The following ANKRD44 variants were observed in gnomAD, a reference collection of about 807,000 sequenced individuals.
ANKRD44 encodes the protein serine/threonine-protein phosphatase 6 regulatory ankyrin repeat subunit B.
ANKRD44 carries 35 observed loss-of-function variants against 116.0 expected under a neutral mutation model. The observed-to-expected ratio is 0.30, with a 90% CI of 0.23 to 0.40. The LOEUF is 0.40. ANKRD44 is among the 10% of genes least tolerant of loss of function. ANKRD44 has a pLI of 1.00. For synonymous variants in ANKRD44, 435 were observed against 461.8 expected (o/e 0.94, Z 0.74); for missense variants, 1,014 against 1,242.6 (o/e 0.82, Z 2.77).
At chr2:197,081,928 A>AT (rs991236914) in intron 14 of ANKRD44, among the ~76,000 whole-genome samples, 2 of 152,216 alleles carry the variant, frequency 1.3e-5, no homozygotes, top group Non-Finnish European at 2.9e-5. Context: ...TCCAACTGGA[A>AT]TATGATTTCT....
At chr2:197,273,203 GAA>G (rs1420432198) in intron 1 of ANKRD44, among the ~76,000 whole-genome samples, 1 of 152,208 alleles carries the variant, frequency 6.6e-6, no homozygotes, top group Non-Finnish European at 1.5e-5. Flanking sequence ...GTCGCAGAGT[GAA>G]AGAGACTGAA....
At chr2:197,278,560 C>T (rs776900067) in intron 1 of ANKRD44, among the ~76,000 whole-genome samples, 1 of 152,084 alleles carries the variant, frequency 6.6e-6, no homozygotes. Context: ...TTTCACCATG[C>T]TGGTCTCAAA....
At position 197,211,963 on chromosome 2, in the gene ANKRD44, C is replaced by T. The variant is rs190075363; in HGVS notation, c.28-24857G>A. On this transcript the variant is annotated intron_variant, in intron 1 of 27. Coordinates refer to ENST00000282272, the MANE Select transcript of ANKRD44 (RefSeq NM_001195144.2). ...CTCCTCAGGTTTGTGACCAACACTC[C>T]GGTGATGAAGGGCTAGTAATCAACA... 3.9e-4 allele frequency among the ~76,000 whole-genome samples: 60 copies of T among 152,080 alleles called. No individual in the cohort carries two copies. In the South Asian group the frequency reaches 8.1e-3, roughly 21 times the overall value.
At chr2:196,984,025 A>G (rs1005908224), downstream of ANKRD44, among the ~76,000 whole-genome samples, 14 of 152,304 alleles carry the variant, frequency 9.2e-5, no homozygotes, top group Non-Finnish European at 1.9e-4. Context: ...TTGCCTTCCA[A>G]AGTTCTTTCT....
intron 3 of ANKRD44, among the ~76,000 whole-genome samples, chr2:197,137,410 T>C (rs944093132): frequency 6.6e-6 from 1 of 151,586 alleles, no homozygotes; most frequent in Non-Finnish European, 1.5e-5. Flanking sequence ...AACACAGAGG[T>C]GGCGCCTCAG....
intron 17 of ANKRD44, chr2:197,015,332 C>A: frequency 4.1e-6 from 2 of 485,714 alleles, no homozygotes; most frequent in East Asian, 4.8e-5. Flanking sequence ...AAAGGTATGG[C>A]AAGATTACAA....
intron 16 of ANKRD44, among the ~76,000 whole-genome samples, chr2:197,032,649 A>G (rs1050233809): frequency 1.3e-5 from 2 of 152,142 alleles, no homozygotes; most frequent in African/African-American, 4.8e-5. Context: ...TGGCATCCCA[A>G]AATGTTGGGA....
chr2:197,043,690 A>G (rs1026941141), intron 16 of ANKRD44, among the ~76,000 whole-genome samples: 4 of 152,214 alleles, frequency 2.6e-5, no homozygotes, highest in Non-Finnish European at 1.5e-5. Flanking sequence ...TAGTGATGCT[A>G]TTAGCTTGAC....
At chr2:197,106,421 G>C (rs929081487) in intron 9 of ANKRD44, among the ~76,000 whole-genome samples, 3 of 151,926 alleles carry the variant, frequency 2.0e-5, no homozygotes, top group Non-Finnish European at 2.9e-5. Flanking sequence ...GTCCAGCCTG[G>C]GCTACACAGC....
chr2:196,991,949 T>C (rs11897347), intron 27 of ANKRD44, among the ~76,000 whole-genome samples: 26,749 of 152,124 alleles, frequency 0.18, 2,979 homozygotes, highest in African/African-American at 0.32. Context: ...TAAAATGTAA[T>C]GGATGTGAGA....
At chr2:197,125,707 T>G in intron 5 of ANKRD44, 130 bp downstream of exon 5, 1 of 1,100,232 alleles carries the variant, frequency 9.1e-7, no homozygotes, top group South Asian at 1.5e-5. Flanking sequence ...GAGAATGATA[T>G]AGATGCTGAA....
At chr2:197,029,043 A>G (rs1297658956) in intron 16 of ANKRD44, 1 of 156,612 alleles carries the variant, frequency 6.4e-6, no homozygotes, top group Admixed American at 6.5e-5. Context: ...GGTTTCTTAC[A>G]TATGTATACA....
chr2:197,065,967 C>T (rs1166815142), intron 16 of ANKRD44, among the ~76,000 whole-genome samples: 1 of 152,190 alleles, frequency 6.6e-6, no homozygotes, highest in African/African-American at 2.4e-5. Context: ...GATACCAAAG[C>T]CTGGCAGAGA....
intron 2 of ANKRD44, among the ~76,000 whole-genome samples, chr2:197,184,103 C>T (rs2080587652): frequency 1.3e-5 from 2 of 152,178 alleles, no homozygotes; most frequent in Non-Finnish European, 2.9e-5. Flanking sequence ...CAACTCAATA[C>T]ATAACTATGG....
chr2:197,142,974 A>T (rs2079403753), intron 3 of ANKRD44, among the ~76,000 whole-genome samples: 1 of 150,942 alleles, frequency 6.6e-6, no homozygotes, highest in East Asian at 1.9e-4. Context: ...ACCCCATCTT[A>T]AAAAAGAAAA....
At chr2:197,065,625 C>A (rs1228657579) in intron 16 of ANKRD44, among the ~76,000 whole-genome samples, 1 of 152,158 alleles carries the variant, frequency 6.6e-6, no homozygotes, top group Admixed American at 6.5e-5. Context: ...GATATCACCA[C>A]CAATCCCACA....
In ANKRD44 at chr2:197,121,561, C is replaced by A; in HGVS notation, c.694-17G>T. Reference sequence around the variant, plus strand: ...TTCATCAATCTGCAAAAGAGTCCAACACAGGGTGATTAAAGTCATTAGAGC... The same window carrying A: ...TTCATCAATCTGCAAAAGAGTCCAAAACAGGGTGATTAAAGTCATTAGAGC... On this transcript the variant is annotated splice_polypyrimidine_tract_variant and intron_variant, in intron 7 of 27. Coordinates refer to ENST00000282272, the MANE Select transcript of ANKRD44 (RefSeq NM_001195144.2). The A allele has an allele frequency of 6.2e-7, 1 of 1,609,352 alleles. No homozygotes were observed.
At chr2:196,989,857 GT>G in intron 27 of ANKRD44, 1 of 1,240,594 alleles carries the variant, frequency 8.1e-7, no homozygotes, top group Non-Finnish European at 1.0e-6. Context: ...TGATTCTGAT[GT>G]TTTTTAAAAG....
chr2:197,060,542 G>C (rs1275519893), intron 16 of ANKRD44, among the ~76,000 whole-genome samples: 1 of 152,158 alleles, frequency 6.6e-6, no homozygotes, highest in Non-Finnish European at 1.5e-5. Context: ...TGTGTGTGCG[G>C]TGAGAACACT....
Sources: gnomAD v4.1 joint callset for allele counts (sites outside exome capture counted in the v4.1 genomes callset) on GRCh38, gnomAD v4.1.1 for gene constraint, MANE v1.5 for transcripts, NCBI Gene and HGNC (gene_info 2026-07-23, HGNC 2026-07-21) for gene names.